Variants in SI observed in about 807,000 individuals in gnomAD.
SI encodes the protein sucrase-isomaltase, intestinal.
In SI, 235 loss-of-function variants were observed where a neutral mutation model predicts 253.3. The observed-to-expected ratio is 0.93, with a 90% CI of 0.83 to 1.03. The LOEUF is 1.03. Ranked by LOEUF, SI falls within the 50% of genes least tolerant of loss-of-function variation. The probability of loss-of-function intolerance (pLI) is 0.00; values close to 1 mark genes in which losing one functional copy is unlikely to be tolerated. For missense variants in SI, 2,442 were observed against 2,211.1 expected (o/e 1.10, Z -2.09); for synonymous variants, 819 against 712.0 (o/e 1.15, Z -2.39).
At chr3:165,059,751 T>A in intron 10 of SI, 151 bp downstream of exon 10, 1 of 790,522 alleles carries the variant, frequency 1.3e-6, no homozygotes, top group Non-Finnish European at 2.1e-6. Context: ...GCATTACATA[T>A]GAGATAAAAT....
In SI at chr3:164,988,023, A is replaced by G. The variant is rs1192752832; in HGVS notation, c.5109-797T>C. ...TCCAAGTTCTAAGTTCTATCTCTGT[A>G]ATAGAGAATACCTTTCAAGCATGTT... On this transcript the variant is annotated intron_variant, in intron 44 of 47. Coordinates refer to ENST00000264382, the MANE Select transcript of SI (RefSeq NM_001041.4). 2.0e-5 allele frequency among the ~76,000 whole-genome samples: 3 copies of G among 152,186 alleles called. No individual in the cohort carries two copies. The East Asian group carries it at 5.8e-4, about 29-fold the overall frequency.
intron 38 of SI, among the ~76,000 whole-genome samples, chr3:164,997,492 A>C (rs1718065108): frequency 6.6e-6 from 1 of 151,110 alleles, no homozygotes; most frequent in South Asian, 2.1e-4. Flanking sequence ...AGAATCTAGA[A>C]TCTTTTAAAT....
At chr3:164,990,779 G>C (rs1286981641) in intron 44 of SI, among the ~76,000 whole-genome samples, 3 of 151,978 alleles carry the variant, frequency 2.0e-5, no homozygotes, top group South Asian at 2.1e-4. Flanking sequence ...GATAGCATTA[G>C]GAGATATACC....
At chr3:165,060,087 A>G in intron 9 of SI, 60 bp from the exon 10 acceptor site, 2 of 1,456,148 alleles carry the variant, frequency 1.4e-6, no homozygotes, top group South Asian at 2.3e-5. Flanking sequence ...AGCATTAATA[A>G]CCAAGGTTAA....
chr3:164,998,389 G>T, intron 38 of SI, 151 bp downstream of exon 38: 1 of 749,046 alleles, frequency 1.3e-6, no homozygotes, highest in Non-Finnish European at 2.3e-6. Context: ...CAGCTTCCTG[G>T]CCCACTGTCT....
chr3:165,049,524 C>A (rs925588236), intron 14 of SI, among the ~76,000 whole-genome samples: 1 of 151,942 alleles, frequency 6.6e-6, no homozygotes, highest in Non-Finnish European at 1.5e-5. Context: ...TTAAAAATAA[C>A]CTTTAACAAT....
chr3:165,062,694 A>G (rs1476217784), intron 8 of SI, among the ~76,000 whole-genome samples: 2 of 151,966 alleles, frequency 1.3e-5, no homozygotes, highest in Non-Finnish European at 2.9e-5. Context: ...TATCCCAGCT[A>G]TTTTCTTTCA....
At chr3:165,083,127 A>G, upstream of SI, among the ~76,000 whole-genome samples, 1 of 152,054 alleles carries the variant, frequency 6.6e-6, no homozygotes, top group South Asian at 2.1e-4. Flanking sequence ...AACATGGTTT[A>G]TTATAATCTA....
intron 38 of SI, among the ~76,000 whole-genome samples, chr3:164,997,288 G>A (rs1043935160): frequency 1.3e-5 from 2 of 151,518 alleles, no homozygotes; most frequent in Non-Finnish European, 3.0e-5. Context: ...AGAATTAATT[G>A]TTTTCCTTGA....
intron 33 of SI, among the ~76,000 whole-genome samples, chr3:165,014,605 T>G (rs1296191842): frequency 6.6e-6 from 1 of 152,134 alleles, no homozygotes. Flanking sequence ...GTTTTTACTA[T>G]GAGATTTTTT....
rs539958103 is a variant in SI, at chr3:164,987,322, G to A, written c.5109-96C>T. On this transcript the variant is annotated intron_variant, in intron 44 of 47. Coordinates refer to ENST00000264382, the MANE Select transcript of SI (RefSeq NM_001041.4). Reference sequence around the variant, plus strand: ...CACATAAGGATCTATAGGAACCCAAGCATTAAGGAGTGTGCAAACTGACTT... The same window carrying A: ...CACATAAGGATCTATAGGAACCCAAACATTAAGGAGTGTGCAAACTGACTT... 21 of 976,672 alleles carry A rather than the reference G, an allele frequency of 2.2e-5. No individual in the cohort carries two copies. The East Asian group carries it at 3.5e-4, about 16-fold the overall frequency. The allele number at this position is 976,672 out of a possible 1,614,324, so 60.5% of individuals were successfully genotyped here.
chr3:165,041,198 G>T, intron 17 of SI, 104 bp from the exon 18 acceptor site: 1 of 971,488 alleles, frequency 1.0e-6, no homozygotes, highest in Non-Finnish European at 1.6e-6. Context: ...ATAAATTTCA[G>T]CTTGTTTATG....
At chr3:165,059,584 C>A (rs190577477) in intron 10 of SI, among the ~76,000 whole-genome samples, 1 of 151,906 alleles carries the variant, frequency 6.6e-6, no homozygotes, top group South Asian at 2.1e-4. Flanking sequence ...CAAAAATACA[C>A]TTTTCAGAAA....
At chr3:165,061,109 ATG>A (rs920501671) in intron 9 of SI, among the ~76,000 whole-genome samples, 6 of 151,784 alleles carry the variant, frequency 4.0e-5, no homozygotes, top group African/African-American at 1.4e-4. Context: ...AGATTTAGAC[ATG>A]TGATTGAAAT....
chr3:165,070,959 T>C (rs540881394), intron 3 of SI, among the ~76,000 whole-genome samples: 1 of 152,166 alleles, frequency 6.6e-6, no homozygotes, highest in East Asian at 1.9e-4. Context: ...ATCCTTGGCA[T>C]TCCTTGGCTT....
chr3:165,003,568 A>C (rs1718355955), intron 37 of SI, among the ~76,000 whole-genome samples: 1 of 152,052 alleles, frequency 6.6e-6, no homozygotes, highest in Non-Finnish European at 1.5e-5. Context: ...ATTGATAGAA[A>C]TAAGATAAGT....
chr3:165,010,530 C>T lies in SI; in HGVS notation c.4063-1135G>A, dbSNP rs181916721. ...TCTTACCTATTAATTACATTTTACT[C>T]ATAAGGATAGAAGGCTTGGTGGGAT... is the stretch of plus-strand genomic sequence containing the variant. On this transcript the variant is annotated intron_variant, in intron 34 of 47. Coordinates refer to ENST00000264382, the MANE Select transcript of SI (RefSeq NM_001041.4). Among the ~76,000 whole-genome samples, 202 of 152,230 alleles carry T rather than the reference C, an allele frequency of 1.3e-3. 1 individual carries two copies. Among genetic ancestry groups the T allele is most frequent in the Non-Finnish European group, 2.0e-3 (133 of 68,014 alleles).
chr3:165,058,920 AG>A (rs1484243763), intron 12 of SI, 42 bp downstream of exon 12: 8 of 1,553,534 alleles, frequency 5.1e-6, no homozygotes, highest in Non-Finnish European at 7.1e-6. Flanking sequence ...ATTTCAGAGA[AG>A]AAAATTTGAG....
At chr3:165,080,940 A>G (rs1165984937), upstream of SI, among the ~76,000 whole-genome samples, 1 of 151,906 alleles carries the variant, frequency 6.6e-6, no homozygotes, top group Non-Finnish European at 1.5e-5. Context: ...AGAAAAAAAA[A>G]ACTTTGTGTG....
Sources: gnomAD v4.1 joint callset for allele counts (sites outside exome capture counted in the v4.1 genomes callset) on GRCh38, gnomAD v4.1.1 for gene constraint, MANE v1.5 for transcripts, NCBI Gene and HGNC (gene_info 2026-07-23, HGNC 2026-07-21) for gene names.